The following PCDHA8 variants were observed in gnomAD, a reference collection of about 807,000 sequenced individuals.
PCDHA8 encodes the protein protocadherin alpha 8.
PCDHA8 carries 53 observed loss-of-function variants against 61.8 expected under a neutral mutation model. The observed-to-expected ratio is 0.86, with a 90% CI of 0.69 to 1.08. PCDHA8 has a LOEUF of 1.08. PCDHA8 is among the 50% of genes least tolerant of loss of function. The probability of loss-of-function intolerance (pLI) is 0.00; values close to 1 mark genes in which losing one functional copy is unlikely to be tolerated. For missense variants in PCDHA8, 1,293 were observed against 1,245.0 expected (o/e 1.04, Z -0.58); for synonymous variants, 618 against 556.6 (o/e 1.11, Z -1.55).
chr5:140,942,990 C>T (rs1460211642), intron 1 of PCDHA8, among the ~76,000 whole-genome samples: 4 of 151,892 alleles, frequency 2.6e-5, no homozygotes, highest in Non-Finnish European at 5.9e-5. Context: ...GGTGTGGTGG[C>T]TCATGCCTGT....
Position 140,928,713 on chromosome 5 carries a change from T to C in PCDHA8, c.2395-50236T>C, listed in dbSNP as rs535812769. The C allele has an allele frequency of 3.1e-6, 5 of 1,614,142 alleles. No individual in the cohort carries two copies. In the African/African-American group the frequency reaches 6.7e-5, roughly 22 times the overall value. ...ACATCTCCCGGGCGTCTGACTCTAG[T>C]CTCTTTAGAATTTCAGCCAATATAG... On this transcript the variant is annotated intron_variant, in intron 1 of 3. Coordinates refer to ENST00000531613, the MANE Select transcript of PCDHA8 (RefSeq NM_018911.3).
chr5:140,888,558 C>T (rs782768307), intron 1 of PCDHA8, among the ~76,000 whole-genome samples: 6 of 152,188 alleles, frequency 3.9e-5, no homozygotes, highest in Non-Finnish European at 7.3e-5. Flanking sequence ...TTATTCCTTT[C>T]AAGGCTTCAT....
chr5:140,850,692 G>A lies in PCDHA8; in HGVS notation c.2394+6977G>A, dbSNP rs2150494456. The A allele has an allele frequency of 1.9e-6, 3 of 1,598,344 alleles. 1 individual carries two copies. The Admixed American group carries it at 5.1e-5, about 27-fold the overall frequency. On this transcript the variant is annotated intron_variant, in intron 1 of 3. Transcript: ENST00000531613. ...GGCGATGCCCACCGAGGGCGAGTGC[G>A]CGCCTGGCAAGCCGACGCTGGTGTG...
chr5:140,982,416 A>C, intron 2 of PCDHA8, 59 bp from the exon 3 acceptor site: 1 of 1,610,294 alleles, frequency 6.2e-7, no homozygotes, highest in Non-Finnish European at 8.5e-7. Context: ...TGAGGGTGGA[A>C]GAAGAGATGG....
At position 141,001,667 on chromosome 5, in the gene PCDHA8, A is replaced by G. The variant is rs949508860; in HGVS notation, c.2543-7960A>G. ...GTGTGGGAGAAGGCGGAGCTTGTCC[A>G]GTCGGTCCAACAAACCCCACAGATG... is the stretch of plus-strand genomic sequence containing the variant. On this transcript the variant is annotated intron_variant, in intron 3 of 3. Coordinates refer to ENST00000531613, the MANE Select transcript of PCDHA8 (RefSeq NM_018911.3). Among the ~76,000 whole-genome samples, 9 of 152,268 alleles carry G rather than the reference A, an allele frequency of 5.9e-5. 1 individual carries two copies. In the East Asian group the frequency reaches 1.7e-3, roughly 29 times the overall value.
chr5:140,851,183 C>A, intron 1 of PCDHA8: 2 of 1,240,836 alleles, frequency 1.6e-6, no homozygotes, highest in Non-Finnish European at 1.0e-6. Context: ...ACTTGAAAAC[C>A]AATTTAGTTG....
chr5:140,869,522 T>A, intron 1 of PCDHA8: 1 of 1,614,172 alleles, frequency 6.2e-7, no homozygotes, highest in Non-Finnish European at 8.5e-7. Context: ...GAACAAAAGC[T>A]GCTGATTGCG....
At chr5:140,917,127 C>T (rs1286418907) in intron 1 of PCDHA8, among the ~76,000 whole-genome samples, 1 of 152,072 alleles carries the variant, frequency 6.6e-6, no homozygotes, top group African/African-American at 2.4e-5. Context: ...CGCAGACTCC[C>T]CACGTTGCTC....
intron 1 of PCDHA8, chr5:140,927,172 G>T: frequency 1.2e-6 from 2 of 1,614,152 alleles, no homozygotes; most frequent in Non-Finnish European, 1.7e-6. Flanking sequence ...AGCTGCCTGC[G>T]TCTTGACCTA....
rs2150314638 is a variant in PCDHA8 at position 140,841,394 on chromosome 5, A to G, written c.73A>G (p.Lys25Glu). 6.2e-7 allele frequency: 1 copy of G among 1,613,274 alleles called. No homozygotes were observed. Among genetic ancestry groups the G allele is most frequent in the East Asian group, 2.2e-5 (1 of 44,870 alleles). Reference sequence around the variant, plus strand: ...CTTGCTTCTGCTCCTCGCAGCCTGGAAGGTGGGGAGCGGCCAGCTCCACTA... The same window carrying G: ...CTTGCTTCTGCTCCTCGCAGCCTGGGAGGTGGGGAGCGGCCAGCTCCACTA... The part of the protein sequence containing the change: ...LLLLLLLAAW[K>E]VGSGQLHYSV... The change falls in exon 1 of 4, where the codon AAG becomes GAG. Residue 25 changes from lysine to glutamate, a missense_variant. Physicochemically the swap from Lys to Glu is moderately conservative, Grantham distance 56. Transcript: ENST00000531613.
chr5:140,850,744 ACTCG>A lies in PCDHA8; in HGVS notation c.2394+7031_2394+7034del, dbSNP rs2041800778. ...TCTAGCGCGGTGGGGAGTTGGTCGT[ACTCG>A]CAGCAGAGGAGGCAGAGGGTGTGCT... On this transcript the variant is annotated intron_variant, in intron 1 of 3. Coordinates refer to ENST00000531613, the MANE Select transcript of PCDHA8 (RefSeq NM_018911.3). 1.3e-6 allele frequency: 2 copies of A among 1,597,470 alleles called. 1 individual carries two copies. The highest frequency in any genetic ancestry group is 2.7e-5 in the African/African-American group (2 of 74,012).
At chr5:140,935,255 C>T (rs914593610) in intron 1 of PCDHA8, among the ~76,000 whole-genome samples, 4 of 152,150 alleles carry the variant, frequency 2.6e-5, no homozygotes, top group African/African-American at 9.7e-5. Context: ...TAAAATACAT[C>T]ACATGTTTAT....
intron 1 of PCDHA8, among the ~76,000 whole-genome samples, chr5:140,955,906 G>T (rs1044355938): frequency 2.0e-5 from 3 of 152,040 alleles, no homozygotes; most frequent in East Asian, 3.9e-4. Flanking sequence ...TCTCTTTGTA[G>T]CAATTGTGAA....
intron 1 of PCDHA8, among the ~76,000 whole-genome samples, chr5:140,908,772 A>G (rs2074146123): frequency 6.6e-6 from 1 of 152,144 alleles, no homozygotes; most frequent in East Asian, 1.9e-4. Flanking sequence ...CGTGTTGTAG[A>G]GTCTTCTCCT....
chr5:140,970,595 G>C (rs1554232604), intron 1 of PCDHA8, among the ~76,000 whole-genome samples: 1 of 152,098 alleles, frequency 6.6e-6, no homozygotes, highest in African/African-American at 2.4e-5. Context: ...TATGCTTTGT[G>C]ATACTTAAAA....
intron 1 of PCDHA8, chr5:140,848,340 A>C (rs1781459761): frequency 3.4e-6 from 3 of 893,920 alleles, no homozygotes; most frequent in Admixed American, 2.4e-5. Flanking sequence ...ATCCAGACAA[A>C]TACAGCCCTT....
chr5:140,874,803 A>G (rs536331240), intron 1 of PCDHA8, among the ~76,000 whole-genome samples: 1 of 152,378 alleles, frequency 6.6e-6, no homozygotes, highest in East Asian at 1.9e-4. Flanking sequence ...AGATTTATGA[A>G]TAAGACAATT....
chr5:140,997,124 C>T (rs933067358), intron 3 of PCDHA8, among the ~76,000 whole-genome samples: 2 of 152,074 alleles, frequency 1.3e-5, no homozygotes, highest in Non-Finnish European at 2.9e-5. Context: ...CCCACATACA[C>T]AATGCCCCCA....
chr5:140,870,944 CG>C, intron 1 of PCDHA8: 1 of 1,613,658 alleles, frequency 6.2e-7, no homozygotes, highest in Non-Finnish European at 8.5e-7. Flanking sequence ...CAGCCGGCGG[CG>C]GGCGGCTCGC....
Sources: allele counts gnomAD v4.1 joint callset (sites outside exome capture counted in the v4.1 genomes callset), GRCh38; gene constraint gnomAD v4.1.1; transcripts MANE v1.5; gene names NCBI Gene and HGNC (gene_info 2026-07-23, HGNC 2026-07-21).